PRRC2B: variants seen among roughly 807,000 people sequenced by gnomAD.
PRRC2B encodes the protein protein PRRC2B.
A neutral mutation model predicts 242.3 loss-of-function variants in PRRC2B; 68 were observed. The ratio of observed to expected loss-of-function variants is 0.28; its 90% confidence interval spans 0.23 to 0.34. The LOEUF (loss-of-function observed/expected upper bound fraction) is 0.34, where lower values mean the gene tolerates loss of function less well. PRRC2B is among the 10% of genes least tolerant of loss of function. The pLI is 1.00. For missense variants in PRRC2B, 2,835 were observed against 2,954.8 expected (o/e 0.96, Z 0.94); for synonymous variants, 1,228 against 1,173.6 (o/e 1.05, Z -0.95).
chr9:131,397,291 G>A (rs964924434), intron 1 of PRRC2B, among the ~76,000 whole-genome samples: 1 of 152,322 alleles, frequency 6.6e-6, no homozygotes, highest in Middle Eastern at 3.4e-3. Flanking sequence ...CACTGTGTGG[G>A]CGTCCCATCT....
chr9:131,430,486 T>C (rs1033839959), intron 2 of PRRC2B, among the ~76,000 whole-genome samples: 17 of 136,904 alleles, frequency 1.2e-4, no homozygotes, highest in African/African-American at 4.8e-4. Context: ...TTATTGAAGC[T>C]GGGGAGATAT....
intron 1 of PRRC2B, among the ~76,000 whole-genome samples, chr9:131,385,936 G>A (rs974072389): frequency 1.1e-4 from 16 of 150,138 alleles, no homozygotes; most frequent in African/African-American, 3.6e-4. Flanking sequence ...CTCGTGATCC[G>A]CCCACCTCGG....
chr9:131,393,025 A>G (rs1035595181), upstream of PRRC2B, among the ~76,000 whole-genome samples: 3 of 152,206 alleles, frequency 2.0e-5, no homozygotes, highest in Admixed American at 6.5e-5. Flanking sequence ...AAGTATCCAG[A>G]ATTCTACTCC....
intron 10 of PRRC2B, 39 bp from the exon 11 acceptor site, chr9:131,459,125 T>C: frequency 6.3e-7 from 1 of 1,591,156 alleles, no homozygotes; most frequent in Non-Finnish European, 8.6e-7. Context: ...ATGCTTGGCC[T>C]GAGTGCAAAA....
chr9:131,475,617 A>T lies in PRRC2B; in HGVS notation c.3488A>T (p.Glu1163Val). 1 of 1,611,976 alleles carries T rather than the reference A, an allele frequency of 6.2e-7. No individual in the cohort carries two copies. Among genetic ancestry groups the T allele is most frequent in the Non-Finnish European group, 8.5e-7 (1 of 1,179,460 alleles). ...AACGGGAATGAAGGCTCGCTCCTGG[A>T]GAGGGAGGAGAGCACCTTGAAGAAG... The part of the protein sequence containing the change: ...SENGNEGSLL[E>V]REESTLKKGD... Residue 1163 changes from glutamate to valine, a missense_variant, in exon 16 of 32, where the codon GAG becomes GTG. Glu to Val is a moderately radical substitution (Grantham distance 121, BLOSUM62 -2). Coordinates refer to ENST00000683519, the MANE Select transcript of PRRC2B (RefSeq NM_013318.4).
In PRRC2B at chr9:131,436,694, A is replaced by C. The variant is rs1179690117; in HGVS notation, c.368A>C (p.Gln123Pro). ...PGLQKSVSNLQKPTQSISQEN... is the reference protein window; with the variant it reads ...PGLQKSVSNLPKPTQSISQEN... Reference sequence around the variant, plus strand: ...TTGCAGAAATCTGTCTCCAATTTGCAGAAACCGACACAGTCAATCAGTCAG... The same window carrying C: ...TTGCAGAAATCTGTCTCCAATTTGCCGAAACCGACACAGTCAATCAGTCAG... Residue 123 changes from glutamine to proline, a missense_variant, in exon 4 of 32, where the codon CAG (glutamine) becomes CCG (proline). Gln to Pro is a moderately conservative substitution (Grantham distance 76, BLOSUM62 -1). Transcript: ENST00000683519. 6.2e-7 allele frequency: 1 copy of C among 1,614,032 alleles called. No homozygotes were observed. The highest frequency in any genetic ancestry group is 8.5e-7 in the Non-Finnish European group (1 of 1,179,882).
At position 131,487,363 on chromosome 9, in the gene PRRC2B, C is replaced by T. The variant is rs1380559111; in HGVS notation, c.5984+69C>T. ...GGGCCTTGGCCCTGTGTGCAGCCTT[C>T]GTCCTGCAGCTGTTTGGTGCTTGTC... On this transcript the variant is annotated intron_variant, in intron 27 of 31. Coordinates refer to ENST00000683519, the MANE Select transcript of PRRC2B (RefSeq NM_013318.4). The surrounding 1 kb of genome is among the most constrained non-coding windows in gnomAD (Gnocchi z 5.3). The T allele has an allele frequency of 5.0e-5, 62 of 1,230,624 alleles. No homozygotes were observed. Among genetic ancestry groups the T allele is most frequent in the Non-Finnish European group, 6.4e-5 (60 of 938,960 alleles). The allele number at this position is 1,230,624 out of a possible 1,614,324, so 76.2% of individuals were successfully genotyped here.
chr9:131,475,235 C>T lies in PRRC2B; in HGVS notation c.3106C>T (p.Arg1036Ter). The T allele has an allele frequency of 6.2e-7, 1 of 1,613,760 alleles. No individual in the cohort carries two copies. Among genetic ancestry groups the T allele is most frequent in the South Asian group, 1.1e-5 (1 of 91,090 alleles). ...CAAGGCCTGGGAAGCCAGACCCCCA[C>T]GAGAGTCCAGCGATGTTCCCCCCAT... The part of the protein sequence containing the change: ...PDKAWEARPP[R>*]ESSDVPPMKR... Residue 1036 changes from arginine to a stop codon, truncating the protein, a stop_gained, in exon 16 of 32, where the codon CGA (arginine) becomes TGA (stop). Coordinates refer to ENST00000683519, the MANE Select transcript of PRRC2B (RefSeq NM_013318.4). LOFTEE classifies it high-confidence loss of function.
chr9:131,465,050 C>G lies in PRRC2B; in HGVS notation c.1692C>G (p.Pro564=), dbSNP rs1943352496. Residue 564 remains proline, a synonymous_variant, in exon 12 of 32, where the codon CCC becomes CCG. Coordinates refer to ENST00000683519, the MANE Select transcript of PRRC2B (RefSeq NM_013318.4). ...CTCCAAGTGCTGAGAAGGCATCTCC[C>G]CAGGAAAACGGCCCTGCTGTCCACA... ...PWSPSAEKAS[P]QENGPAVHKG... 1.9e-6 allele frequency: 3 copies of G among 1,613,670 alleles called. No individual in the cohort carries two copies. Among genetic ancestry groups the G allele is most frequent in the Non-Finnish European group, 2.5e-6 (3 of 1,179,696 alleles).
Position 131,475,150 on chromosome 9 carries a change from C to A in PRRC2B, c.3021C>A (p.Gly1007=). Residue 1007 remains glycine (G), a synonymous_variant, in exon 16 of 32, where the codon GGC becomes GGA. Transcript: ENST00000683519. ...CCACCACCACTTTGGAGGACAAAGG[C>A]CCTGGCCATGCCACTTTTGGCCGCG... The part of the protein sequence containing the change: ...NSSTTTLEDK[G]PGHATFGREA... 6.2e-7 allele frequency: 1 copy of A among 1,613,048 alleles called. No individual in the cohort carries two copies. Among genetic ancestry groups the A allele is most frequent in the Non-Finnish European group, 8.5e-7 (1 of 1,179,504 alleles).
intron 10 of PRRC2B, among the ~76,000 whole-genome samples, chr9:131,456,110 C>T (rs753116250): frequency 8.0e-5 from 12 of 150,670 alleles, no homozygotes; most frequent in Admixed American, 2.6e-4. Flanking sequence ...AAAACTCTGT[C>T]TCAAAGGAAA....
At chr9:131,411,481 G>GGACT (rs1033673085) in intron 1 of PRRC2B, among the ~76,000 whole-genome samples, 3 of 150,710 alleles carry the variant, frequency 2.0e-5, no homozygotes, top group African/African-American at 7.3e-5. Context: ...CGAGTAGCTG[G>GGACT]GACTACAGGC....
chr9:131,425,277 C>T (rs181956007), intron 1 of PRRC2B, among the ~76,000 whole-genome samples: 64 of 151,584 alleles, frequency 4.2e-4, no homozygotes, highest in Admixed American at 1.4e-3. Context: ...TGAGCTACCA[C>T]GCCTGACCTG....
At chr9:131,458,476 C>G (rs898061463) in intron 10 of PRRC2B, among the ~76,000 whole-genome samples, 3 of 148,514 alleles carry the variant, frequency 2.0e-5, no homozygotes, top group Non-Finnish European at 3.0e-5. Flanking sequence ...GAAAAAGTTA[C>G]GAAAAAATAC....
chr9:131,473,442 T>G (rs1039635954), intron 14 of PRRC2B, 66 bp from the exon 15 acceptor site: 5 of 1,287,966 alleles, frequency 3.9e-6, no homozygotes, highest in Non-Finnish European at 5.4e-6. Context: ...GGGCCTTTGG[T>G]TGACCCTGAG....
chr9:131,406,739 C>T (rs1314466738), intron 1 of PRRC2B, among the ~76,000 whole-genome samples: 4 of 151,972 alleles, frequency 2.6e-5, no homozygotes, highest in Non-Finnish European at 4.4e-5. Flanking sequence ...GGTGTTGATA[C>T]TATGTTGCTC....
chr9:131,467,297 C>T (rs1943424407), intron 12 of PRRC2B, among the ~76,000 whole-genome samples: 1 of 152,162 alleles, frequency 6.6e-6, no homozygotes, highest in Non-Finnish European at 1.5e-5. Flanking sequence ...TGCCACTGAC[C>T]GTGTGACCCT....
chr9:131,494,543 G>A lies in PRRC2B; in HGVS notation c.6555+57G>A, dbSNP rs369618288. The A allele has an allele frequency of 2.9e-5, 28 of 969,480 alleles. No individual in the cohort carries two copies. The highest frequency in any genetic ancestry group is 4.3e-5 in the Non-Finnish European group (27 of 629,272). 60.1% of individuals were successfully genotyped at this position (969,480 alleles called of 1,614,324 possible). On this transcript the variant is annotated intron_variant, in intron 31 of 31. Transcript: ENST00000683519. This position sits in a 1 kb window ranked among gnomAD's most constrained non-coding sequence, Gnocchi z 4.3. The stretch of plus-strand genomic sequence containing the variant: ...TGGACACTTAGGCCCGTCTCCAAGC[G>A]CCAAAAGAGAAGGGACTGTCCAACC...
chr9:131,407,120 T>C (rs1837385525), intron 1 of PRRC2B, among the ~76,000 whole-genome samples: 1 of 152,200 alleles, frequency 6.6e-6, no homozygotes, highest in Non-Finnish European at 1.5e-5. Flanking sequence ...ACACCCTGGA[T>C]GAATCATAAT....
Sources: gnomAD v4.1 joint callset for allele counts (sites outside exome capture counted in the v4.1 genomes callset) on GRCh38, gnomAD v4.1.1 for gene constraint, Gnocchi (gnomAD v3.1) non-coding constraint, MANE v1.5 for transcripts, NCBI Gene and HGNC (gene_info 2026-07-23, HGNC 2026-07-21) for gene names.